The following MAP2K2 variants were observed in gnomAD, a reference collection of about 807,000 sequenced individuals.
MAP2K2 encodes mitogen-activated protein kinase kinase 2, also known as dual specificity mitogen-activated protein kinase kinase 2.
In MAP2K2, 24 loss-of-function variants were observed where a neutral mutation model predicts 43.7. That is an observed-to-expected ratio of 0.55 (90% CI 0.40 to 0.77). The LOEUF is 0.77. Among genes scored for constraint, MAP2K2 ranks in the 30% least tolerant of loss-of-function variants. The pLI is 0.00. For synonymous variants in MAP2K2, 244 were observed against 239.7 expected, an observed-to-expected ratio of 1.02 and a Z score of -0.17; for missense variants, 470 against 566.8, an observed-to-expected ratio of 0.83 and a Z score of 1.73.
At chr19:4,095,354 C>G (rs561722470) in intron 9 of MAP2K2, 34 bp downstream of exon 9, 1 of 1,545,770 alleles carries the variant, frequency 6.5e-7, no homozygotes, top group Admixed American at 2.0e-5. Context: ...ATCTGGGTCC[C>G]GGCCAGGGGT....
chr19:4,107,059 C>A (rs2041092750), intron 3 of MAP2K2, among the ~76,000 whole-genome samples: 1 of 152,208 alleles, frequency 6.6e-6, no homozygotes, highest in South Asian at 2.1e-4. Flanking sequence ...CAGCCAGCCC[C>A]ACTGTTCCTA....
At chr19:4,090,958 C>G (rs1007365977) in intron 10 of MAP2K2, among the ~76,000 whole-genome samples, 2 of 152,224 alleles carry the variant, frequency 1.3e-5, no homozygotes, top group African/African-American at 4.8e-5. Context: ...ACACCACCAG[C>G]ACGGCAGCCT....
chr19:4,095,675 T>C (rs2040908768), intron 8 of MAP2K2, among the ~76,000 whole-genome samples: 1 of 152,068 alleles, frequency 6.6e-6, no homozygotes, highest in African/African-American at 2.4e-5. Context: ...CCCCCTTTTA[T>C]CAACAGGACA....
Position 4,117,623 on chromosome 19 carries a change from G to C in MAP2K2, c.99C>G (p.Asn33Lys), listed in dbSNP as rs940667388. Residue 33 changes from asparagine (N) to lysine (K), a missense_variant, in exon 2 of 11, where the codon AAC (asparagine) becomes AAG (lysine). By Grantham distance (94) the Asn-to-Lys change is moderately conservative. This residue lies in a region of MAP2K2 where 58 missense variants were observed against 48.0 expected (regional missense o/e 1.21). Transcript: ENST00000262948. ...SPTSEGASEANLVDLQKKLEE... is the reference protein window; with the variant it reads ...SPTSEGASEAKLVDLQKKLEE... The stretch of plus-strand genomic sequence containing the variant: ...CCAGCTTCTTCTGCAGGTCCACCAG[G>C]TTTGCCCTGCAGAGACCCCCCAGGG... 8 of 1,613,828 alleles carry C rather than the reference G, an allele frequency of 5.0e-6. No homozygotes were observed. Among genetic ancestry groups the C allele is most frequent in the Non-Finnish European group, 5.9e-6 (7 of 1,180,030 alleles).
chr19:4,099,024 C>T lies in MAP2K2; in HGVS notation c.919+177G>A, dbSNP rs534293343. Among the ~76,000 whole-genome samples the T allele has an allele frequency of 1.9e-4, 29 of 152,372 alleles. No individual in the cohort carries two copies. In the Middle Eastern group the frequency reaches 0.01, roughly 54 times the overall value. On this transcript the variant is annotated intron_variant, in intron 7 of 10. Coordinates refer to ENST00000262948, the MANE Select transcript of MAP2K2 (RefSeq NM_030662.4). The stretch of plus-strand genomic sequence containing the variant: ...AACAGGTTTGGGGTGCTCACTGCTT[C>T]CAGCTCTGTCCCCGGAAACCCCAGG...
In MAP2K2 at chr19:4,101,373, G is replaced by A. The variant is rs866457356; in HGVS notation, c.529-93C>T. 4 of 1,366,510 alleles carry A rather than the reference G, an allele frequency of 2.9e-6. 2 individuals are homozygous for A. In the Middle Eastern group the frequency reaches 8.5e-4, roughly 292 times the overall value. 84.6% of individuals were successfully genotyped at this position (1,366,510 alleles called of 1,614,324 possible). A position where few individuals can be genotyped will look rare whatever the true frequency, so the allele number is the denominator to read the frequency against. On this transcript the variant is annotated intron_variant, in intron 4 of 10. Coordinates refer to ENST00000262948, the MANE Select transcript of MAP2K2 (RefSeq NM_030662.4). This position sits in a 1 kb window ranked among gnomAD's most constrained non-coding sequence, Gnocchi z 6.3. ...GGTCAGAGCTGAGCAGTCAGAGCTG[G>A]AGCGAGGGAGCTGCGGCAGGAACCA... is the stretch of plus-strand genomic sequence containing the variant.
Position 4,100,806 on chromosome 19 carries a change from C to T in MAP2K2, c.705+213G>A, listed in dbSNP as rs41315070. On this transcript the variant is annotated intron_variant, in intron 6 of 10. Coordinates refer to ENST00000262948, the MANE Select transcript of MAP2K2 (RefSeq NM_030662.4). ...CTGGGGTGGGACTGTCCCGGGGGTG[C>T]TAACAGCCATGTAGGAGTGTGTGCC... 1.7e-3 allele frequency: 1,025 copies of T among 616,502 alleles called. 1 individual carries two copies. The highest frequency in any genetic ancestry group is 2.5e-3 in the Non-Finnish European group (867 of 348,036). The allele number at this position is 616,502 out of a possible 1,614,324, so 38.2% of individuals were successfully genotyped here.
intron 10 of MAP2K2, among the ~76,000 whole-genome samples, chr19:4,093,815 G>C (rs1213413793): frequency 6.6e-6 from 1 of 152,192 alleles, no homozygotes; most frequent in East Asian, 1.9e-4. Flanking sequence ...TAGGGGGGTG[G>C]CATCTCCAAT....
Position 4,090,444 on chromosome 19 carries a change from G to A in MAP2K2, c.*154C>T, listed in dbSNP as rs1396255959. 1.3e-5 allele frequency: 9 copies of A among 698,010 alleles called. No individual in the cohort carries two copies. The highest frequency in any genetic ancestry group is 3.5e-5 in the African/African-American group (2 of 57,088). 43.2% of individuals were successfully genotyped at this position (698,010 alleles called of 1,614,324 possible). On this transcript the variant is annotated 3_prime_UTR_variant, in exon 11 of 11. Transcript: ENST00000262948. ...AGGACGGGCAGGAGAGGAGACCCCCGTTCCTGCATGCGCTGTCGCCCCGCC... is the reference window on the plus strand; with the variant it reads ...AGGACGGGCAGGAGAGGAGACCCCCATTCCTGCATGCGCTGTCGCCCCGCC...
At chr19:4,100,744 T>G in intron 6 of MAP2K2, 1 of 545,634 alleles carries the variant, frequency 1.8e-6, no homozygotes, top group South Asian at 2.2e-5. Flanking sequence ...ACGTGCCTTG[T>G]GGCAAGTGGG....
At chr19:4,096,493 G>A (rs1400516530) in intron 8 of MAP2K2, among the ~76,000 whole-genome samples, 1 of 152,216 alleles carries the variant, frequency 6.6e-6, no homozygotes, top group African/African-American at 2.4e-5. Flanking sequence ...CCTGACAGCT[G>A]CAGGCCTGGA....
intron 3 of MAP2K2, among the ~76,000 whole-genome samples, chr19:4,107,890 C>T (rs1308618112): frequency 6.6e-6 from 1 of 152,170 alleles, no homozygotes; most frequent in Admixed American, 6.5e-5. Flanking sequence ...GGGACTACGA[C>T]CTCCCTCAGC....
At position 4,104,219 on chromosome 19, in the gene MAP2K2, C is replaced by T. The variant is rs201676869; in HGVS notation, c.451-1766G>A. Among the ~76,000 whole-genome samples the T allele has an allele frequency of 2.7e-4, 39 of 144,126 alleles. No homozygotes were observed. In the East Asian group the frequency reaches 6.8e-3, roughly 25 times the overall value. The allele number at this position is 144,126 out of a possible 152,430, so 94.6% of individuals were successfully genotyped here. On this transcript the variant is annotated intron_variant, in intron 3 of 10. Transcript: ENST00000262948. ...GGCAGAGGTTGCTGTGAGTCGAGAT[C>T]GTGCCACTTCTCTCTCGCCTGGGCG...
chr19:4,098,361 CTG>C (rs1297578835), intron 7 of MAP2K2, among the ~76,000 whole-genome samples: 1 of 152,196 alleles, frequency 6.6e-6, no homozygotes, highest in African/African-American at 2.4e-5. Context: ...GGGCGCAGCA[CTG>C]TGACTGAAAA....
intron 9 of MAP2K2, chr19:4,094,752 C>T (rs1263005773): frequency 7.3e-6 from 4 of 547,446 alleles, no homozygotes; most frequent in East Asian, 3.0e-5. Flanking sequence ...TGGGAAACCC[C>T]GCCTGGTGGG....
intron 8 of MAP2K2, 49 bp downstream of exon 8, chr19:4,097,230 A>G (rs1168894399): frequency 3.4e-6 from 4 of 1,170,488 alleles, no homozygotes; most frequent in Non-Finnish European, 4.9e-6. Context: ...AAAAAAAAAG[A>G]AAGAAGAAAG....
chr19:4,117,499 T>C lies in MAP2K2; in HGVS notation c.223A>G (p.Ile75Val). ...GELKDDDFERISELGAGNGGV... is the reference protein window; with the variant it reads ...GELKDDDFERVSELGAGNGGV... Reference sequence around the variant, plus strand: ...CCGTTGCCCGCGCCCAGCTCTGAGATCCTTTCGAAGTCATCGTCTTTGAGT... The same window carrying C: ...CCGTTGCCCGCGCCCAGCTCTGAGACCCTTTCGAAGTCATCGTCTTTGAGT... Residue 75 changes from isoleucine to valine, a missense_variant, in exon 2 of 11, where the codon ATC becomes GTC. Physicochemically the swap from Ile to Val is conservative, Grantham distance 29 (BLOSUM62 3). Coordinates refer to ENST00000262948, the MANE Select transcript of MAP2K2 (RefSeq NM_030662.4). 2 of 1,614,160 alleles carry C rather than the reference T, an allele frequency of 1.2e-6. No homozygotes were observed. Among genetic ancestry groups the C allele is most frequent in the Non-Finnish European group, 1.7e-6 (2 of 1,180,048 alleles).
intron 2 of MAP2K2, among the ~76,000 whole-genome samples, chr19:4,112,366 T>G (rs1818101377): frequency 6.6e-6 from 1 of 152,100 alleles, no homozygotes; most frequent in African/African-American, 2.4e-5. Flanking sequence ...GGGCCGGGCC[T>G]TGAGGAAGGA....
rs1367279529 is a variant in MAP2K2 at position 4,103,170 on chromosome 19, G to A, written c.451-717C>T. On this transcript the variant is annotated intron_variant, in intron 3 of 10. Transcript: ENST00000262948. Reference sequence around the variant, plus strand: ...ACGGTAACCTCGGCCCCTCCCCACAGCCTGTGGTCTCCTCGCCACTGTGCC... The same window carrying A: ...ACGGTAACCTCGGCCCCTCCCCACAACCTGTGGTCTCCTCGCCACTGTGCC... 3.0e-6 allele frequency: 3 copies of A among 991,528 alleles called. No homozygotes were observed. In the East Asian group the frequency reaches 3.4e-4, roughly 111 times the overall value. The allele number at this position is 991,528 out of a possible 1,614,324, so 61.4% of individuals were successfully genotyped here.
Sources: allele counts gnomAD v4.1 joint callset (sites outside exome capture counted in the v4.1 genomes callset), GRCh38; gene constraint gnomAD v4.1.1; regional missense constraint gnomAD v4.1.1; non-coding constraint Gnocchi (gnomAD v3.1); transcripts MANE v1.5; gene names NCBI Gene and HGNC (gene_info 2026-07-23, HGNC 2026-07-21).